Variants in DIP2C observed in about 807,000 individuals in gnomAD.
DIP2C encodes DIP2 acetate--CoA ligase C (putative), also known as disco-interacting protein 2 homolog C.
A neutral mutation model predicts 192.4 loss-of-function variants in DIP2C; 33 were observed. The ratio of observed to expected loss-of-function variants is 0.17; its 90% CI spans 0.13 to 0.23. The LOEUF is 0.23. Ranked by LOEUF, DIP2C falls within the 10% of genes least tolerant of loss-of-function variation. The probability of loss-of-function intolerance (pLI) is 1.00; values close to 1 mark genes in which losing one functional copy is unlikely to be tolerated. For missense variants in DIP2C, 1,537 were observed against 2,110.1 expected, an observed-to-expected ratio of 0.73 and a Z score of 5.32; for synonymous variants, 979 against 864.1, an observed-to-expected ratio of 1.13 and a Z score of -2.33.
Position 288,436 on chromosome 10 carries a change from A to C in DIP2C, c.3987-15T>G. ...CTAAGCGGACTCTGCAAACAGAAAG[A>C]GAAAATATTCCTAGATGTGTTTGCT... is the stretch of plus-strand genomic sequence containing the variant. On this transcript the variant is annotated splice_polypyrimidine_tract_variant and intron_variant, in intron 32 of 36. Transcript: ENST00000280886. 6.2e-7 allele frequency: 1 copy of C among 1,613,800 alleles called. No individual in the cohort carries two copies. The highest frequency in any genetic ancestry group is 8.5e-7 in the Non-Finnish European group (1 of 1,179,744).
chr10:546,294 AG>A (rs1468607771), intron 1 of DIP2C, among the ~76,000 whole-genome samples: 4 of 151,178 alleles, frequency 2.6e-5, no homozygotes, highest in African/African-American at 7.3e-5. Flanking sequence ...AAAAAAAAAA[AG>A]TAACAAATTT....
chr10:682,142 T>A (rs1293917987), intron 1 of DIP2C, among the ~76,000 whole-genome samples: 1 of 152,222 alleles, frequency 6.6e-6, no homozygotes, highest in Non-Finnish European at 1.5e-5. Flanking sequence ...AGCAACCAGC[T>A]CTTCCCAGAG....
In DIP2C at chr10:681,878, G is replaced by A. The variant is rs571778967; in HGVS notation, c.85+7616C>T. Among the ~76,000 whole-genome samples, 117 of 152,318 alleles carry A rather than the reference G, an allele frequency of 7.7e-4. 2 individuals carry two copies. The highest frequency in any genetic ancestry group is 6.3e-3 in the Admixed American group (97 of 15,300). ...AGGCCCTTGGGAGAGGTCCCTGTTC[G>A]GCAACTGTGCCTGTGGAGGGCCCCC... On this transcript the variant is annotated intron_variant, in intron 1 of 36. Transcript: ENST00000280886.
At chr10:391,380 C>A (rs1963443527) in intron 10 of DIP2C, among the ~76,000 whole-genome samples, 1 of 152,250 alleles carries the variant, frequency 6.6e-6, no homozygotes, top group African/African-American at 2.4e-5. Flanking sequence ...GTCACTTTCT[C>A]CTCACCCTGA....
At chr10:398,672 A>G (rs1289142065) in intron 10 of DIP2C, among the ~76,000 whole-genome samples, 1 of 152,236 alleles carries the variant, frequency 6.6e-6, no homozygotes, top group East Asian at 1.9e-4. Context: ...GGATTAAACA[A>G]TAATTACAAT....
At chr10:505,571 T>C (rs1325865008) in intron 1 of DIP2C, among the ~76,000 whole-genome samples, 12 of 152,004 alleles carry the variant, frequency 7.9e-5, no homozygotes, top group Admixed American at 7.2e-4. Context: ...CGGTGCTTCC[T>C]GTGGGTGCCC....
At chr10:491,553 G>A (rs185447702) in intron 1 of DIP2C, among the ~76,000 whole-genome samples, 1 of 152,190 alleles carries the variant, frequency 6.6e-6, no homozygotes, top group South Asian at 2.1e-4. Flanking sequence ...ACAGGGGCAG[G>A]AGGACCTGGG....
chr10:558,704 T>C (rs1033553427), intron 1 of DIP2C, among the ~76,000 whole-genome samples: 2 of 152,186 alleles, frequency 1.3e-5, no homozygotes, highest in African/African-American at 2.4e-5. Context: ...GTAACATGCT[T>C]ATCTATACAG....
At chr10:414,182 T>C (rs1348030321) in intron 7 of DIP2C, 72 bp from the exon 8 acceptor site, 2 of 1,484,876 alleles carry the variant, frequency 1.3e-6, no homozygotes, top group Non-Finnish European at 1.8e-6. Flanking sequence ...TTATTCTTTA[T>C]AAAGAAGCCA....
At chr10:565,907 C>T (rs1473147424) in intron 1 of DIP2C, among the ~76,000 whole-genome samples, 1 of 152,172 alleles carries the variant, frequency 6.6e-6, no homozygotes, top group Non-Finnish European at 1.5e-5. Context: ...CAGGCAGGGC[C>T]ATGTGGGCTC....
At chr10:474,907 C>T (rs1317628675) in intron 2 of DIP2C, among the ~76,000 whole-genome samples, 3 of 152,200 alleles carry the variant, frequency 2.0e-5, no homozygotes, top group African/African-American at 7.2e-5. Context: ...GAGCTGCAAG[C>T]CAGGTTGTAA....
intron 7 of DIP2C, 63 bp downstream of exon 7, chr10:415,706 A>G (rs1165986724): frequency 1.5e-5 from 23 of 1,580,982 alleles, no homozygotes; most frequent in Non-Finnish European, 1.9e-5. Context: ...GCAGAAAAAA[A>G]TATCATTGTT....
intron 1 of DIP2C, among the ~76,000 whole-genome samples, chr10:607,660 A>G (rs1852593548): frequency 6.6e-6 from 1 of 152,150 alleles, no homozygotes; most frequent in African/African-American, 2.4e-5. Flanking sequence ...TCTCGGCCCA[A>G]ACGATGCAAT....
intron 16 of DIP2C, among the ~76,000 whole-genome samples, chr10:383,501 G>A (rs1962570420): frequency 6.6e-6 from 1 of 152,190 alleles, no homozygotes; most frequent in Non-Finnish European, 1.5e-5. Flanking sequence ...ATTCTGTGGA[G>A]CTGCTAATTT....
intron 1 of DIP2C, among the ~76,000 whole-genome samples, chr10:564,462 AG>A (rs1554737485): frequency 6.6e-6 from 1 of 152,168 alleles, no homozygotes; most frequent in Non-Finnish European, 1.5e-5. Flanking sequence ...TATTTTCTCC[AG>A]GGACAGGGGC....
chr10:412,425 C>T (rs956537511), intron 8 of DIP2C, among the ~76,000 whole-genome samples: 11 of 152,160 alleles, frequency 7.2e-5, no homozygotes, highest in Admixed American at 3.3e-4. Context: ...TGAATTTGGC[C>T]GGAGATGAGG....
chr10:283,165 C>A, intron 35 of DIP2C, 107 bp downstream of exon 35: 4 of 1,432,000 alleles, frequency 2.8e-6, no homozygotes, highest in Non-Finnish European at 3.8e-6. Flanking sequence ...AGCACACGTG[C>A]CCTCCTGGCT....
intron 32 of DIP2C, among the ~76,000 whole-genome samples, chr10:302,324 G>A (rs1443048881): frequency 6.6e-6 from 1 of 152,124 alleles, no homozygotes; most frequent in African/African-American, 2.4e-5. Context: ...AACGTGTGCA[G>A]GATCACATGG....
chr10:310,495 C>T (rs1214219304), intron 31 of DIP2C, among the ~76,000 whole-genome samples: 1 of 152,162 alleles, frequency 6.6e-6, no homozygotes, highest in Non-Finnish European at 1.5e-5. Flanking sequence ...ATTTTGAGGG[C>T]CCAGGACAGT....
Sources: allele counts gnomAD v4.1 joint callset (sites outside exome capture counted in the v4.1 genomes callset), GRCh38; gene constraint gnomAD v4.1.1; transcripts MANE v1.5; gene names NCBI Gene and HGNC (gene_info 2026-07-23, HGNC 2026-07-21).